The following PAN3 variants were observed in gnomAD, a reference collection of about 807,000 sequenced individuals.
PAN3 encodes PAN2-PAN3 deadenylation complex subunit PAN3.
Under a neutral mutation model 96.2 loss-of-function variants are expected in PAN3, and 19 were observed. That is an observed-to-expected ratio of 0.20 (90% CI 0.14 to 0.29). The LOEUF is 0.29. PAN3 is among the 10% of genes least tolerant of loss of function. The pLI, the probability that PAN3 is intolerant of heterozygous loss-of-function variation, is 1.00. For missense variants in PAN3, 882 were observed against 1,108.1 expected (o/e 0.80, Z 2.90); for synonymous variants, 433 against 406.6 (o/e 1.06, Z -0.78).
chr13:28,197,867 C>T (rs1039322597), intron 5 of PAN3, among the ~76,000 whole-genome samples: 4 of 151,892 alleles, frequency 2.6e-5, no homozygotes, highest in East Asian at 3.9e-4. Context: ...CTCTCCTGGC[C>T]GAATATTTTA....
chr13:28,204,373 G>A (rs1378394411), intron 5 of PAN3, among the ~76,000 whole-genome samples: 1 of 152,164 alleles, frequency 6.6e-6, no homozygotes, highest in Non-Finnish European at 1.5e-5. Flanking sequence ...GCTTGGGCTT[G>A]AAATATTTTA....
chr13:28,181,504 C>CAAAAAA, intron 4 of PAN3, among the ~76,000 whole-genome samples: 1 of 57,224 alleles, frequency 1.7e-5, no homozygotes, highest in Admixed American at 1.8e-4. Flanking sequence ...AACCCTGTCT[C>CAAAAAA]AAAAAAAAAA....
chr13:28,138,987 G>GC lies in PAN3; in HGVS notation c.336dup (p.Gly113ArgfsTer22). ...CCGTCGCGGGCGGGGGAGCTGGGCC[G>GC]CCCCCCGGGCCCAAGAAGCCGGACC... On this transcript the variant is annotated frameshift_variant, in exon 1 of 19. Transcript: ENST00000380958. LOFTEE classifies it high-confidence loss of function. The GC allele has an allele frequency of 3.2e-6, 4 of 1,267,800 alleles. No homozygotes were observed. The highest frequency in any genetic ancestry group is 4.0e-6 in the Non-Finnish European group (4 of 1,007,196). The allele number at this position is 1,267,800 out of a possible 1,614,324, so 78.5% of individuals were successfully genotyped here. A position where few individuals can be genotyped will look rare whatever the true frequency, so the allele number is the denominator to read the frequency against.
chr13:28,182,551 A>G (rs1875933851), intron 4 of PAN3, among the ~76,000 whole-genome samples: 1 of 152,192 alleles, frequency 6.6e-6, no homozygotes, highest in African/African-American at 2.4e-5. Flanking sequence ...TTTAATAACA[A>G]GTTAAATTCT....
At chr13:28,208,715 G>GCA (rs1879672271) in intron 5 of PAN3, among the ~76,000 whole-genome samples, 1 of 152,120 alleles carries the variant, frequency 6.6e-6, no homozygotes, top group Non-Finnish European at 1.5e-5. Flanking sequence ...TGTAGCAGAT[G>GCA]CACACATCCG....
chr13:28,245,021 G>A (rs1253029161), intron 6 of PAN3, among the ~76,000 whole-genome samples: 3 of 151,850 alleles, frequency 2.0e-5, no homozygotes, highest in Non-Finnish European at 4.4e-5. Context: ...GCTTATTTTT[G>A]TATTTTTAGT....
rs189630614 is a variant in PAN3, at chr13:28,168,643, C to T, written c.431-5629C>T. 3.1e-3 allele frequency among the ~76,000 whole-genome samples: 469 copies of T among 152,106 alleles called. 2 individuals carry two copies. Among genetic ancestry groups the T allele is most frequent in the African/African-American group, 1.0e-2 (413 of 41,484 alleles). On this transcript the variant is annotated intron_variant, in intron 1 of 18. Coordinates refer to ENST00000380958, the MANE Select transcript of PAN3 (RefSeq NM_175854.8). Reference sequence around the variant, plus strand: ...CTGAGGCAGGAGAATTGCTTGAACCCGGGAGGCGGAGGTTGCAGTGAGCTG... The same window carrying T: ...CTGAGGCAGGAGAATTGCTTGAACCTGGGAGGCGGAGGTTGCAGTGAGCTG...
At chr13:28,188,911 T>G (rs2138182221) in intron 4 of PAN3, among the ~76,000 whole-genome samples, 1 of 152,354 alleles carries the variant, frequency 6.6e-6, no homozygotes, top group East Asian at 1.9e-4. Context: ...CTGGTATTTA[T>G]AGATTGTTCT....
intron 4 of PAN3, among the ~76,000 whole-genome samples, chr13:28,193,332 A>G (rs2138206265): frequency 6.6e-6 from 1 of 152,296 alleles, no homozygotes; most frequent in Non-Finnish European, 1.5e-5. Context: ...TAGGCTAGTT[A>G]AGGGTTTTAG....
intron 6 of PAN3, among the ~76,000 whole-genome samples, chr13:28,225,760 A>C (rs887440834): frequency 6.6e-6 from 1 of 152,170 alleles, no homozygotes; most frequent in Non-Finnish European, 1.5e-5. Context: ...GGAAAAAAAA[A>C]CTTTCCTATA....
intron 6 of PAN3, among the ~76,000 whole-genome samples, chr13:28,235,270 T>C (rs181603834): frequency 5.3e-4 from 81 of 152,306 alleles, no homozygotes; most frequent in Admixed American, 5.2e-3. Context: ...GTAAAGGAAG[T>C]TTCCCACCAT....
chr13:28,219,125 T>C (rs1881116354), intron 5 of PAN3, among the ~76,000 whole-genome samples: 1 of 152,190 alleles, frequency 6.6e-6, no homozygotes, highest in South Asian at 2.1e-4. Flanking sequence ...GGGAATGTTA[T>C]AGTTGGAAAT....
chr13:28,199,275 C>G (rs1041275692), intron 5 of PAN3, among the ~76,000 whole-genome samples: 57 of 151,374 alleles, frequency 3.8e-4, no homozygotes, highest in African/African-American at 1.3e-3. Context: ...TGTAGCCACT[C>G]GACCTCTCCA....
intron 1 of PAN3, among the ~76,000 whole-genome samples, chr13:28,161,657 C>T (rs999706602): frequency 6.6e-6 from 1 of 152,116 alleles, no homozygotes; most frequent in African/African-American, 2.4e-5. Flanking sequence ...ACCTGAAATG[C>T]CTTATGGAGC....
At chr13:28,254,470 T>C (rs1593571442) in intron 6 of PAN3, among the ~76,000 whole-genome samples, 1 of 152,174 alleles carries the variant, frequency 6.6e-6, no homozygotes, top group East Asian at 1.9e-4. Context: ...TTTGGTTACT[T>C]GGCCAGTTTA....
At chr13:28,192,653 T>C (rs1195684155) in intron 4 of PAN3, among the ~76,000 whole-genome samples, 1 of 152,236 alleles carries the variant, frequency 6.6e-6, no homozygotes, top group Admixed American at 6.5e-5. Context: ...CAGTGGGTTG[T>C]GGTTTGTTTA....
intron 6 of PAN3, among the ~76,000 whole-genome samples, chr13:28,234,889 T>C (rs1461119235): frequency 6.6e-6 from 1 of 152,198 alleles, no homozygotes; most frequent in East Asian, 1.9e-4. Flanking sequence ...TTCCTTTTTT[T>C]ACTCTTGCCA....
At chr13:28,271,513 T>C (rs1886623270) in intron 13 of PAN3, among the ~76,000 whole-genome samples, 1 of 152,214 alleles carries the variant, frequency 6.6e-6, no homozygotes, top group East Asian at 1.9e-4. Flanking sequence ...AATTGTGTTT[T>C]GACAACCTTA....
chr13:28,237,358 G>A (rs1266855204), intron 6 of PAN3, among the ~76,000 whole-genome samples: 3 of 152,082 alleles, frequency 2.0e-5, no homozygotes, highest in Non-Finnish European at 4.4e-5. Flanking sequence ...AAGATGGGTT[G>A]GAACCTAACT....
Sources: allele counts gnomAD v4.1 joint callset (sites outside exome capture counted in the v4.1 genomes callset), GRCh38; gene constraint gnomAD v4.1.1; transcripts MANE v1.5; gene names NCBI Gene and HGNC (gene_info 2026-07-23, HGNC 2026-07-21).